Variants in IP6K1 observed in about 807,000 individuals in gnomAD.
IP6K1 encodes the protein ATP:1D-myo-inositol-hexakisphosphate phosphotransferase.
IP6K1 carries 13 observed loss-of-function variants against 38.3 expected under a neutral mutation model. The ratio of observed to expected loss-of-function variants is 0.34; its 90% CI spans 0.22 to 0.54. IP6K1 has a LOEUF of 0.54. Ranked by LOEUF, IP6K1 falls within the 20% of genes least tolerant of loss-of-function variation. IP6K1 has a pLI of 0.92. For synonymous variants in IP6K1, 212 were observed against 229.9 expected (o/e 0.92, Z 0.70); for missense variants, 397 against 599.8 (o/e 0.66, Z 3.53).
Position 49,748,042 on chromosome 3 carries a change from G to A in IP6K1, c.-2C>T, listed in dbSNP as rs2080738332. 1 of 1,612,578 alleles carries A rather than the reference G, an allele frequency of 6.2e-7. No individual in the cohort carries two copies. Among genetic ancestry groups the A allele is most frequent in the Non-Finnish European group, 8.5e-7 (1 of 1,180,018 alleles). ...TTCCATGGTTTGACAAACACACATT[G>A]CGTTGGGGGCCAGTTGCACACTGAG... On this transcript the variant is annotated 5_prime_UTR_variant, in exon 2 of 6. Coordinates refer to ENST00000321599, the MANE Select transcript of IP6K1 (RefSeq NM_153273.4).
At chr3:49,754,843 TAAG>T (rs1559709594) in intron 1 of IP6K1, among the ~76,000 whole-genome samples, 2 of 151,942 alleles carry the variant, frequency 1.3e-5, no homozygotes, top group Admixed American at 1.3e-4. Context: ...GTATATACTC[TAAG>T]AAGTTCAGTT....
chr3:49,782,977 A>C (rs2081079446), intron 1 of IP6K1, among the ~76,000 whole-genome samples: 1 of 150,260 alleles, frequency 6.7e-6, no homozygotes, highest in Non-Finnish European at 1.5e-5. Flanking sequence ...AAAATTAGCC[A>C]GGCGTGCTGG....
chr3:49,765,645 T>TAAA (rs34536749), intron 1 of IP6K1, among the ~76,000 whole-genome samples: 3 of 125,784 alleles, frequency 2.4e-5, no homozygotes, highest in East Asian at 2.5e-4. Context: ...AGACTCGTCT[T>TAAA]AAAAAAAAAA....
intron 1 of IP6K1, 77 bp from the exon 2 acceptor site, chr3:49,748,245 G>A (rs2080740443): frequency 5.0e-6 from 3 of 598,290 alleles, no homozygotes; most frequent in South Asian, 2.0e-5. Flanking sequence ...ATGAGTGAGA[G>A]CAGGGACTCT....
At chr3:49,779,397 G>T (rs2081046113) in intron 1 of IP6K1, among the ~76,000 whole-genome samples, 2 of 151,948 alleles carry the variant, frequency 1.3e-5, no homozygotes, top group African/African-American at 4.8e-5. Context: ...TTCTCCTTTT[G>T]GCTATTATGA....
chr3:49,778,201 G>A (rs945706629), intron 1 of IP6K1, among the ~76,000 whole-genome samples: 1 of 151,640 alleles, frequency 6.6e-6, no homozygotes, highest in African/African-American at 2.4e-5. Context: ...GCACATGCCT[G>A]TAAATCCCAG....
At position 49,727,052 on chromosome 3, in the gene IP6K1, A is replaced by T. The variant is rs2080511754; in HGVS notation, c.*70T>A. 6.2e-6 allele frequency: 9 copies of T among 1,441,298 alleles called. No homozygotes were observed. The highest frequency in any genetic ancestry group is 7.5e-6 in the Non-Finnish European group (8 of 1,065,858). 89.3% of individuals were successfully genotyped at this position (1,441,298 alleles called of 1,614,324 possible). On this transcript the variant is annotated 3_prime_UTR_variant, in exon 6 of 6. Transcript: ENST00000321599. The surrounding 1 kb of genome is among the most constrained non-coding windows in gnomAD (Gnocchi z 5.9). ...TTTAAAAGCAAGTCTGTGTGTCCTC[A>T]CGGCAAGTTCAGAACAATGGTCCCT...
At chr3:49,777,775 C>T (rs1204564711) in intron 1 of IP6K1, among the ~76,000 whole-genome samples, 2 of 150,240 alleles carry the variant, frequency 1.3e-5, no homozygotes, top group African/African-American at 2.5e-5. Flanking sequence ...ATTAGCCGGG[C>T]GTGGTGGCAG....
intron 1 of IP6K1, among the ~76,000 whole-genome samples, chr3:49,763,207 C>G (rs1178575419): frequency 2.0e-5 from 3 of 151,482 alleles, no homozygotes; most frequent in Admixed American, 6.6e-5. Context: ...GGGTTCACAC[C>G]ATTCTCCTGC....
chr3:49,778,910 C>T (rs1471675797), intron 1 of IP6K1, among the ~76,000 whole-genome samples: 3 of 152,142 alleles, frequency 2.0e-5, no homozygotes, highest in Non-Finnish European at 4.4e-5. Flanking sequence ...CGGGGATGAG[C>T]CACCATGTCC....
Position 49,747,848 on chromosome 3 carries a change from C to T in IP6K1, c.193G>A (p.Glu65Lys), listed in dbSNP as rs751128846. The T allele has an allele frequency of 5.0e-6, 8 of 1,613,970 alleles. No homozygotes were observed. The highest frequency in any genetic ancestry group is 1.7e-5 in the Admixed American group (1 of 59,980). ...TATTCAGGGGTGAACTCCTTCATTT[C>T]GGGAGGGAGGGACTCGTAAAAGCGC... The part of the protein sequence containing the change: ...EQRFYESLPP[E>K]MKEFTPEYKG... The change falls in exon 2 of 6, where the codon GAA becomes AAA. Residue 65 changes from glutamate to lysine, a missense_variant. Transcript: ENST00000321599.
chr3:49,785,594 A>G (rs1186671436), intron 1 of IP6K1: 1 of 152,022 alleles, frequency 6.6e-6, no homozygotes, highest in Non-Finnish European at 1.5e-5. Context: ...ATTCTAAGAC[A>G]CTCCTACGTT....
chr3:49,775,527 G>T, intron 1 of IP6K1: 1 of 1,029,430 alleles, frequency 9.7e-7, no homozygotes. Context: ...GAAGGATAGA[G>T]ATGGCTGCCC....
intron 2 of IP6K1, among the ~76,000 whole-genome samples, chr3:49,744,401 CAAAAAAAAAAAAAAAAAA>C (rs56916226): frequency 1.3e-5 from 1 of 76,178 alleles, no homozygotes. Context: ...GACTCCGTCT[CAAAAAAAAAAAAAAAAAA>C]AAAAAAAAAG....
intron 1 of IP6K1, among the ~76,000 whole-genome samples, chr3:49,752,666 G>A (rs1272411843): frequency 6.6e-6 from 1 of 151,838 alleles, no homozygotes; most frequent in Non-Finnish European, 1.5e-5. Flanking sequence ...ATGTTGGCCA[G>A]ACTGGTCTTT....
chr3:49,771,940 G>A (rs1193003607), intron 1 of IP6K1, among the ~76,000 whole-genome samples: 7 of 152,234 alleles, frequency 4.6e-5, no homozygotes, highest in Non-Finnish European at 1.0e-4. Flanking sequence ...GTGGCCAGGC[G>A]TGGTGGCTCA....
intron 4 of IP6K1, among the ~76,000 whole-genome samples, 156 bp downstream of exon 4, chr3:49,732,635 T>C (rs2080572971): frequency 1.3e-5 from 2 of 151,920 alleles, no homozygotes; most frequent in South Asian, 2.1e-4. Flanking sequence ...AAAAAACATG[T>C]TGATGAAAGT....
intron 1 of IP6K1, among the ~76,000 whole-genome samples, chr3:49,756,176 C>T (rs557026315): frequency 6.6e-6 from 1 of 152,216 alleles, no homozygotes; most frequent in South Asian, 2.1e-4. Flanking sequence ...ATCACAGGAG[C>T]TAGGAAACCA....
At chr3:49,729,023 G>A (rs1378328259) in intron 4 of IP6K1, among the ~76,000 whole-genome samples, 1 of 150,284 alleles carries the variant, frequency 6.7e-6, no homozygotes, top group East Asian at 2.0e-4. Flanking sequence ...GCGCCATCTC[G>A]GCTCACTGCA....
Sources: allele counts gnomAD v4.1 joint callset (sites outside exome capture counted in the v4.1 genomes callset), GRCh38; gene constraint gnomAD v4.1.1; non-coding constraint Gnocchi (gnomAD v3.1); transcripts MANE v1.5; gene names NCBI Gene and HGNC (gene_info 2026-07-23, HGNC 2026-07-21).